The following TXNDC12 variants were observed in gnomAD, a reference collection of about 807,000 sequenced individuals.
The protein encoded by TXNDC12 is thioredoxin domain-containing protein 12.
TXNDC12 carries 22 observed loss-of-function variants against 24.2 expected under a neutral mutation model. The ratio of observed to expected loss-of-function variants is 0.91; its 90% confidence interval spans 0.65 to 1.30. The LOEUF (loss-of-function observed/expected upper bound fraction) is 1.30. Ranked by LOEUF, TXNDC12 falls within the 50% of genes most tolerant of loss-of-function variation. The pLI, the probability that TXNDC12 is intolerant of heterozygous loss-of-function variation, is 0.00. For missense variants in TXNDC12, 184 were observed against 205.8 expected, an observed-to-expected ratio of 0.89 and a Z score of 0.65; for synonymous variants, 58 against 73.4, an observed-to-expected ratio of 0.79 and a Z score of 1.07.
intron 2 of TXNDC12, among the ~76,000 whole-genome samples, chr1:52,037,180 T>C (rs921876040): frequency 2.0e-5 from 3 of 151,770 alleles, no homozygotes; most frequent in African/African-American, 4.8e-5. Flanking sequence ...CTGATTTAAA[T>C]ATTGTGTTTG....
At chr1:52,039,290 G>A (rs1685943249) in intron 2 of TXNDC12, among the ~76,000 whole-genome samples, 1 of 151,554 alleles carries the variant, frequency 6.6e-6, no homozygotes, top group Admixed American at 6.6e-5. Context: ...TTATGATATT[G>A]TACTAAATAC....
intron 6 of TXNDC12, 50 bp from the exon 7 acceptor site, chr1:52,021,062 C>T (rs1685589001): frequency 1.5e-6 from 2 of 1,298,080 alleles, no homozygotes; most frequent in Non-Finnish European, 1.1e-6. Context: ...TAATGTTTGA[C>T]ATTTGACAAC....
chr1:52,030,826 TCAATGTTTG>T (rs1685740476), intron 2 of TXNDC12, among the ~76,000 whole-genome samples: 1 of 152,228 alleles, frequency 6.6e-6, no homozygotes, highest in African/African-American at 2.4e-5. Context: ...TTTACATTTT[TCAATGTTTG>T]CAAAGCAAAT....
intron 6 of TXNDC12, among the ~76,000 whole-genome samples, chr1:52,022,042 C>T (rs1396709870): frequency 2.0e-5 from 3 of 152,130 alleles, no homozygotes; most frequent in African/African-American, 4.8e-5. Flanking sequence ...CCCTTCTCCA[C>T]GTGGAAAATT....
Position 52,020,962 on chromosome 1 carries a change from T to C in TXNDC12, c.490A>G (p.Arg164Gly), listed in dbSNP as rs762225286. The change falls in exon 7 of 7, where the codon AGA (arginine) becomes GGA (glycine). Residue 164 changes from arginine to glycine, a missense_variant. Transcript: ENST00000371626. ...AATTCATCTTCAAGATGTTTCTTTC[T>C]GAAGGCATCACCCGTCAGCCTTTCC... ...AQERLTGDAFRKKHLEDEL is the reference protein window; with the variant it reads ...AQERLTGDAFGKKHLEDEL 6.2e-7 allele frequency: 1 copy of C among 1,614,122 alleles called. No individual in the cohort carries two copies. Among genetic ancestry groups the C allele is most frequent in the Non-Finnish European group, 8.5e-7 (1 of 1,179,946 alleles).
rs569122800 is a variant in TXNDC12, at chr1:52,054,994, T to A, written c.97+6A>T. 6.6e-5 allele frequency: 106 copies of A among 1,608,680 alleles called. 3 individuals are homozygous for A. In the South Asian group the frequency reaches 1.1e-3, roughly 17 times the overall value. On this transcript the variant is annotated splice_donor_region_variant and intron_variant, in intron 1 of 6. Coordinates refer to ENST00000371626, the MANE Select transcript of TXNDC12 (RefSeq NM_015913.4). ...CAGTAAAGAGAAGATAAGAACGCGG[T>A]CTGACCCTTTCCAAGCCCATTATGT...
At position 52,055,130 on chromosome 1, in the gene TXNDC12, G is replaced by C. The variant is rs963299997; in HGVS notation, c.-34C>G. 6.6e-6 allele frequency: 10 copies of C among 1,510,088 alleles called. No individual in the cohort carries two copies. The highest frequency in any genetic ancestry group is 1.7e-5 in the Admixed American group (1 of 59,512). The allele number at this position is 1,510,088 out of a possible 1,614,324, so 93.5% of individuals were successfully genotyped here. On this transcript the variant is annotated 5_prime_UTR_variant, in exon 1 of 7. Coordinates refer to ENST00000371626, the MANE Select transcript of TXNDC12 (RefSeq NM_015913.4). ...GTGCGCGGGGCCACGGGGCTGAGCGGACGCAGGGCCGGAGTCCCAGCAGAC... is the reference window on the plus strand; with the variant it reads ...GTGCGCGGGGCCACGGGGCTGAGCGCACGCAGGGCCGGAGTCCCAGCAGAC...
At chr1:52,025,823 CTT>C (rs1169704242) in intron 4 of TXNDC12, among the ~76,000 whole-genome samples, 2 of 142,454 alleles carry the variant, frequency 1.4e-5, no homozygotes, top group Non-Finnish European at 1.5e-5. Context: ...TAAACATTAT[CTT>C]TTTTTTTTTT....
At chr1:52,041,461 T>C (rs1685988647) in intron 2 of TXNDC12, 76 bp downstream of exon 2, 1 of 1,010,816 alleles carries the variant, frequency 9.9e-7, no homozygotes, top group Admixed American at 1.9e-5. Flanking sequence ...GTATAGCCCT[T>C]CACCTGAAAT....
chr1:52,022,766 G>C lies in TXNDC12; in HGVS notation c.439+725C>G, dbSNP rs189948838. Among the ~76,000 whole-genome samples, 1,339 of 148,854 alleles carry C rather than the reference G, an allele frequency of 9.0e-3. 22 individuals carry two copies. The highest frequency in any genetic ancestry group is 0.031 in the African/African-American group (1,246 of 40,334). Reference sequence around the variant, plus strand: ...CGCCATTCTCCTGCCTCAGCCTCCCGAGTAGCTGGGACTACAGGCACCTGC... The same window carrying C: ...CGCCATTCTCCTGCCTCAGCCTCCCCAGTAGCTGGGACTACAGGCACCTGC... On this transcript the variant is annotated intron_variant, in intron 6 of 6. Coordinates refer to ENST00000371626, the MANE Select transcript of TXNDC12 (RefSeq NM_015913.4).
intron 1 of TXNDC12, among the ~76,000 whole-genome samples, chr1:52,054,477 C>A (rs759381232): frequency 6.6e-6 from 1 of 152,186 alleles, no homozygotes; most frequent in African/African-American, 2.4e-5. Flanking sequence ...GTTGGGGACC[C>A]TTAAACAGCA....
intron 1 of TXNDC12, among the ~76,000 whole-genome samples, chr1:52,045,298 CTA>C (rs1216684043): frequency 2.6e-5 from 4 of 152,096 alleles, no homozygotes; most frequent in Non-Finnish European, 5.9e-5. Context: ...AACAGTGAAA[CTA>C]TTCTATATGA....
intron 1 of TXNDC12, among the ~76,000 whole-genome samples, chr1:52,045,123 T>C (rs1056807263): frequency 2.0e-5 from 3 of 152,168 alleles, no homozygotes; most frequent in South Asian, 2.1e-4. Flanking sequence ...TTGAAGAACC[T>C]TAAACATATA....
In TXNDC12 at chr1:52,028,618, CA is replaced by C. The variant is rs755069101; in HGVS notation, c.170del (p.Leu57ArgfsTer3). On this transcript the variant is annotated frameshift_variant, in exon 3 of 7. Coordinates refer to ENST00000371626, the MANE Select transcript of TXNDC12 (RefSeq NM_015913.4). LOFTEE classifies it high-confidence loss of function. ...KKEAAASGLPLMVIIHKSWCG... is the reference protein window; with the variant it reads ...KKEAAASGLPXMVIIHKSWCG... ...ACCAGGATTTATGAATAATCACCAT[CA>C]GGGGCAGTCCACTTAAAAGCAAAAC... The C allele has an allele frequency of 2.6e-5, 42 of 1,612,118 alleles. No homozygotes were observed. The highest frequency in any genetic ancestry group is 1.7e-4 in the Middle Eastern group (1 of 5,970).
chr1:52,040,998 G>C (rs1284763758), intron 2 of TXNDC12, among the ~76,000 whole-genome samples: 1 of 149,908 alleles, frequency 6.7e-6, no homozygotes, highest in African/African-American at 2.5e-5. Flanking sequence ...TCGCACCACT[G>C]CACTCCCGCC....
Position 52,041,594 on chromosome 1 carries a change from A to T in TXNDC12, c.101T>A (p.Phe34Tyr). The T allele has an allele frequency of 6.2e-7, 1 of 1,608,816 alleles. No homozygotes were observed. The highest frequency in any genetic ancestry group is 8.5e-7 in the Non-Finnish European group (1 of 1,176,794). Residue 34 changes from phenylalanine to tyrosine, a missense_variant, in exon 2 of 7, where the codon TTT becomes TAT. By Grantham distance (22) the Phe-to-Tyr change is conservative. Transcript: ENST00000371626. ...TGTCCTCCAATGAATATGATCTCCAAAACCTGGAAGGAAAGAACTTTATAA... is the reference window on the plus strand; with the variant it reads ...TGTCCTCCAATGAATATGATCTCCATAACCTGGAAGGAAAGAACTTTATAA... ...SDGHNGLGKG[F>Y]GDHIHWRTLE... is the part of the protein sequence containing the mutation.
chr1:52,033,323 C>A lies in TXNDC12; in HGVS notation c.159-4693G>T, dbSNP rs1685811111. On this transcript the variant is annotated intron_variant, in intron 2 of 6. Coordinates refer to ENST00000371626, the MANE Select transcript of TXNDC12 (RefSeq NM_015913.4). ...AGTTCCCTGAGGACGCTGCTGCCCG[C>A]CGCCTGGGCTCTCCCGTCCTCCTCA... 1.9e-6 allele frequency: 3 copies of A among 1,613,770 alleles called. No homozygotes were observed. The African/African-American group carries it at 4.0e-5, about 22-fold the overall frequency.
intron 2 of TXNDC12, among the ~76,000 whole-genome samples, chr1:52,030,733 G>A (rs1283585490): frequency 6.6e-6 from 1 of 152,148 alleles, no homozygotes; most frequent in Admixed American, 6.5e-5. Flanking sequence ...AGCAGGGGTT[G>A]GCAAACTAGG....
intron 2 of TXNDC12, among the ~76,000 whole-genome samples, chr1:52,039,645 T>C (rs897871917): frequency 2.6e-5 from 4 of 152,222 alleles, no homozygotes; most frequent in Non-Finnish European, 5.9e-5. Flanking sequence ...AACTACGTTA[T>C]ACTGCGATAC....
Sources: gnomAD v4.1 joint callset for allele counts (sites outside exome capture counted in the v4.1 genomes callset) on GRCh38, gnomAD v4.1.1 for gene constraint, MANE v1.5 for transcripts, NCBI Gene and HGNC (gene_info 2026-07-23, HGNC 2026-07-21) for gene names.